FBXL17: variants seen among roughly 807,000 people sequenced by gnomAD.
The protein encoded by FBXL17 is F-box/LRR-repeat protein 17.
Under a neutral mutation model 66.2 loss-of-function variants are expected in FBXL17, and 22 were observed. The observed-to-expected ratio is 0.33, with a 90% CI of 0.24 to 0.47. The LOEUF (loss-of-function observed/expected upper bound fraction) is 0.47, where lower values mean the gene tolerates loss of function less well. Ranked by LOEUF, FBXL17 falls within the 20% of genes least tolerant of loss-of-function variation. The probability of loss-of-function intolerance (pLI) is 1.00; values close to 1 mark genes in which losing one functional copy is unlikely to be tolerated. For missense variants in FBXL17, 878 were observed against 948.2 expected (o/e 0.93, Z 0.97); for synonymous variants, 474 against 400.5 (o/e 1.18, Z -2.19).
chr5:107,974,623 T>C (rs959758030), intron 7 of FBXL17, among the ~76,000 whole-genome samples: 6 of 152,120 alleles, frequency 3.9e-5, no homozygotes, highest in African/African-American at 1.4e-4. Context: ...TCAACAATAT[T>C]TATTGACTGA....
intron 6 of FBXL17, among the ~76,000 whole-genome samples, chr5:108,068,933 G>C (rs286745): frequency 6.6e-6 from 1 of 152,106 alleles, no homozygotes; most frequent in Non-Finnish European, 1.5e-5. Context: ...CTAGCTAATG[G>C]GGTGATTAGA....
intron 6 of FBXL17, among the ~76,000 whole-genome samples, chr5:108,163,399 C>CTTTTTTTTTTT (rs764052812): frequency 7.7e-6 from 1 of 129,540 alleles, no homozygotes; most frequent in Non-Finnish European, 1.6e-5. Flanking sequence ...TTTTTTTTTT[C>CTTTTTTTTTTT]TTTTTTTTTT....
intron 6 of FBXL17, among the ~76,000 whole-genome samples, chr5:108,144,584 T>C (rs1245154086): frequency 2.0e-5 from 3 of 152,200 alleles, no homozygotes; most frequent in African/African-American, 4.8e-5. Flanking sequence ...CCAACATTTG[T>C]AATCATTTGA....
Position 107,880,830 on chromosome 5 carries a change from T to C in FBXL17, c.1965+207A>G, listed in dbSNP as rs1026155593. 9 of 1,363,948 alleles carry C rather than the reference T, an allele frequency of 6.6e-6. No homozygotes were observed. The South Asian group carries it at 2.0e-4, about 30-fold the overall frequency. The allele number at this position is 1,363,948 out of a possible 1,614,324, so 84.5% of individuals were successfully genotyped here. ...CTTTCTACTTAAGCACAAAATTCAT[T>C]ATTAAGTGGGGAAATACAAAGATAA... On this transcript the variant is annotated intron_variant, in intron 8 of 8. Coordinates refer to ENST00000542267, the MANE Select transcript of FBXL17 (RefSeq NM_001163315.3).
At chr5:107,915,191 G>C (rs987641765) in intron 7 of FBXL17, among the ~76,000 whole-genome samples, 9 of 152,102 alleles carry the variant, frequency 5.9e-5, no homozygotes, top group African/African-American at 2.2e-4. Context: ...AATCTGGAGA[G>C]GGATGTTTGA....
At chr5:108,073,676 T>G (rs971647179) in intron 6 of FBXL17, among the ~76,000 whole-genome samples, 1 of 152,118 alleles carries the variant, frequency 6.6e-6, no homozygotes, top group African/African-American at 2.4e-5. Flanking sequence ...TCCAACATGT[T>G]AAGGTTATTG....
In FBXL17 at chr5:108,255,365, A is replaced by G. The variant is rs1330078641; in HGVS notation, c.1507-31137T>C. Among the ~76,000 whole-genome samples, 3 of 152,312 alleles carry G rather than the reference A, an allele frequency of 2.0e-5. No homozygotes were observed. In the East Asian group the frequency reaches 5.8e-4, roughly 29 times the overall value. On this transcript the variant is annotated intron_variant, in intron 4 of 8. Transcript: ENST00000542267. ...TATCTTTGTAGTATTTTACAAAATC[A>G]TAAATCTAAAAACTGACATGATTTT...
At chr5:108,206,676 A>G (rs1272607737) in intron 5 of FBXL17, among the ~76,000 whole-genome samples, 2 of 152,152 alleles carry the variant, frequency 1.3e-5, no homozygotes, top group Non-Finnish European at 2.9e-5. Flanking sequence ...TTTGAGATTA[A>G]TCCATGTGAT....
intron 6 of FBXL17, among the ~76,000 whole-genome samples, chr5:108,157,558 C>G (rs925906822): frequency 6.7e-6 from 1 of 150,274 alleles, no homozygotes; most frequent in Admixed American, 6.6e-5. Context: ...GGCTCAATAA[C>G]CAGTGAAATG....
intron 3 of FBXL17, among the ~76,000 whole-genome samples, chr5:108,353,786 G>A (rs529349246): frequency 6.6e-6 from 1 of 152,216 alleles, no homozygotes; most frequent in South Asian, 2.1e-4. Flanking sequence ...ACTGGTAAAG[G>A]TAGCCCAGTG....
intron 1 of FBXL17, among the ~76,000 whole-genome samples, chr5:108,380,421 T>C (rs1213112725): frequency 4.6e-5 from 7 of 152,220 alleles, no homozygotes; most frequent in Admixed American, 3.9e-4. Flanking sequence ...GCGAAGTTTC[T>C]AAACCACTGG....
chr5:108,378,795 G>A (rs771130227), intron 1 of FBXL17, among the ~76,000 whole-genome samples: 2 of 152,198 alleles, frequency 1.3e-5, no homozygotes, highest in African/African-American at 2.4e-5. Flanking sequence ...CTTAAAGGAG[G>A]AGACAGAGCA....
chr5:108,151,036 G>A (rs1751753885), intron 6 of FBXL17, among the ~76,000 whole-genome samples: 1 of 152,074 alleles, frequency 6.6e-6, no homozygotes, highest in Non-Finnish European at 1.5e-5. Flanking sequence ...TTCTCAGAAT[G>A]CTTACTTAAG....
chr5:107,924,967 T>C (rs1750476379), intron 7 of FBXL17, among the ~76,000 whole-genome samples: 1 of 152,238 alleles, frequency 6.6e-6, no homozygotes, highest in African/African-American at 2.4e-5. Flanking sequence ...CCCTGTCAAG[T>C]GGAACCTCAA....
intron 7 of FBXL17, among the ~76,000 whole-genome samples, chr5:107,895,855 G>A (rs540142251): frequency 6.6e-6 from 1 of 152,158 alleles, no homozygotes; most frequent in East Asian, 1.9e-4. Context: ...ATGTTCAAGA[G>A]GTTACATGGT....
intron 1 of FBXL17, among the ~76,000 whole-genome samples, chr5:108,373,339 AAATAT>A (rs1036941130): frequency 3.9e-4 from 49 of 126,962 alleles, no homozygotes; most frequent in African/African-American, 5.1e-4. Context: ...ATATATATCT[AAATAT>A]AATATATCTA....
rs1232915216 is a variant in FBXL17 at position 108,211,832 on chromosome 5, T to G, written c.1614+12289A>C. Among the ~76,000 whole-genome samples the G allele has an allele frequency of 3.3e-5, 5 of 152,316 alleles. No individual in the cohort carries two copies. In the East Asian group the frequency reaches 9.7e-4, roughly 29 times the overall value. Reference sequence around the variant, plus strand: ...GGGGTTGCCCTTCTCGAGGAGTATCTTTGTGGTGTTCTCTGTATTTCCTGA... The same window carrying G: ...GGGGTTGCCCTTCTCGAGGAGTATCGTTGTGGTGTTCTCTGTATTTCCTGA... On this transcript the variant is annotated intron_variant, in intron 5 of 8. Coordinates refer to ENST00000542267, the MANE Select transcript of FBXL17 (RefSeq NM_001163315.3).
At chr5:108,314,166 T>C (rs1759247529) in intron 4 of FBXL17, among the ~76,000 whole-genome samples, 1 of 151,756 alleles carries the variant, frequency 6.6e-6, no homozygotes, top group Non-Finnish European at 1.5e-5. Flanking sequence ...ATACTACCAA[T>C]ATTTAATAAG....
intron 7 of FBXL17, among the ~76,000 whole-genome samples, chr5:107,984,211 C>T (rs1215006054): frequency 6.6e-6 from 1 of 151,986 alleles, no homozygotes; most frequent in East Asian, 1.9e-4. Context: ...TAGTAACTTC[C>T]CACAGCTGTT....
Sources: allele counts gnomAD v4.1 joint callset (sites outside exome capture counted in the v4.1 genomes callset), GRCh38; gene constraint gnomAD v4.1.1; transcripts MANE v1.5; gene names NCBI Gene and HGNC (gene_info 2026-07-23, HGNC 2026-07-21).